The following GRAMD4 variants were observed in gnomAD, a reference collection of about 807,000 sequenced individuals.
GRAMD4 encodes GRAM domain containing 4.
GRAMD4 carries 25 observed loss-of-function variants against 83.9 expected under a neutral mutation model. The ratio of observed to expected loss-of-function variants is 0.30; its 90% CI spans 0.22 to 0.42. The LOEUF is 0.42. Ranked by LOEUF, GRAMD4 falls within the 10% of genes least tolerant of loss-of-function variation. The pLI, the probability that GRAMD4 is intolerant of heterozygous loss-of-function variation, is 1.00. For missense variants in GRAMD4, 593 were observed against 788.7 expected (o/e 0.75, Z 2.97); for synonymous variants, 336 against 320.9 (o/e 1.05, Z -0.50).
chr22:46,586,914 G>A (rs979009564), intron 1 of GRAMD4, among the ~76,000 whole-genome samples: 2 of 151,910 alleles, frequency 1.3e-5, no homozygotes, highest in Non-Finnish European at 2.9e-5. Flanking sequence ...TGGCCCCTGG[G>A]TGGGGAGTTT....
intron 3 of GRAMD4, among the ~76,000 whole-genome samples, chr22:46,643,249 A>T (rs1023061968): frequency 3.9e-4 from 57 of 146,302 alleles, no homozygotes; most frequent in African/African-American, 1.4e-3. Flanking sequence ...CTATCCATCC[A>T]TCCAACCATC....
intron 1 of GRAMD4, among the ~76,000 whole-genome samples, chr22:46,584,095 G>A (rs957923031): frequency 9.9e-5 from 15 of 152,074 alleles, no homozygotes; most frequent in African/African-American, 3.6e-4. Flanking sequence ...GCTGGCCGTC[G>A]GGTTCCCTGG....
At chr22:46,682,482 C>G (rs991632809), downstream of GRAMD4, 1 of 975,450 alleles carries the variant, frequency 1.0e-6, no homozygotes, top group Admixed American at 6.1e-5. Flanking sequence ...AAGAAGCTCT[C>G]GAAGACCTGC....
At chr22:46,651,667 G>C (rs890528820) in intron 3 of GRAMD4, among the ~76,000 whole-genome samples, 1 of 152,240 alleles carries the variant, frequency 6.6e-6, no homozygotes, top group Non-Finnish European at 1.5e-5. Flanking sequence ...CTGCCATTAG[G>C]ATGCGCTGTG....
intron 1 of GRAMD4, among the ~76,000 whole-genome samples, chr22:46,578,869 C>CT (rs1208654167): frequency 5.3e-5 from 8 of 152,176 alleles, no homozygotes; most frequent in African/African-American, 1.9e-4. Flanking sequence ...TTTGTGGTCC[C>CT]GGGGCAGACC....
chr22:46,660,920 G>A (rs1465641066), intron 4 of GRAMD4, among the ~76,000 whole-genome samples: 3 of 152,222 alleles, frequency 2.0e-5, no homozygotes, highest in Non-Finnish European at 1.5e-5. Context: ...TGGCCGTCTA[G>A]TGCCCCTGCC....
At chr22:46,603,580 G>A (rs2081336442) in intron 1 of GRAMD4, among the ~76,000 whole-genome samples, 1 of 135,044 alleles carries the variant, frequency 7.4e-6, no homozygotes, top group Admixed American at 8.1e-5. Flanking sequence ...GCAGTGGCGC[G>A]ATCCTGGCTC....
At chr22:46,637,170 C>T (rs2081902841) in intron 2 of GRAMD4, among the ~76,000 whole-genome samples, 2 of 152,124 alleles carry the variant, frequency 1.3e-5, no homozygotes. Flanking sequence ...ACGGGGCCAG[C>T]ACAGTTCCAG....
intron 1 of GRAMD4, among the ~76,000 whole-genome samples, chr22:46,610,763 G>A (rs2081409153): frequency 6.6e-6 from 1 of 152,228 alleles, no homozygotes; most frequent in Admixed American, 6.5e-5. Context: ...GTTGCTAGGA[G>A]TGATGGAGAG....
At chr22:46,628,018 G>C (rs1221060008) in intron 2 of GRAMD4, among the ~76,000 whole-genome samples, 1 of 152,206 alleles carries the variant, frequency 6.6e-6, no homozygotes, top group Non-Finnish European at 1.5e-5. Flanking sequence ...GCAGGGGCCT[G>C]CCTTCGCCGG....
downstream of GRAMD4, among the ~76,000 whole-genome samples, chr22:46,680,565 T>TCTATCCAC (rs2082656207): frequency 8.9e-6 from 1 of 112,270 alleles, no homozygotes; most frequent in Non-Finnish European, 1.9e-5. Flanking sequence ...CGTCCGTCCG[T>TCTATCCAC]CCATCCATCC....
rs2081572194 is a variant in GRAMD4 at position 46,621,380 on chromosome 22, A to G, written c.-50+815A>G. On this transcript the variant is annotated intron_variant, in intron 1 of 18. Coordinates refer to ENST00000406902, the MANE Select transcript of GRAMD4 (RefSeq NM_015124.5). The surrounding 1 kb of genome is among the most constrained non-coding windows in gnomAD (Gnocchi z 5.8). ...CTCTTTGCAGATGTCACTGAGATGA[A>G]GTCACCCTGGTGTACAGTGGAGCAC... Among the ~76,000 whole-genome samples, 1 of 152,198 alleles carries G rather than the reference A, an allele frequency of 6.6e-6. No individual in the cohort carries two copies. Among genetic ancestry groups the G allele is most frequent in the Non-Finnish European group, 1.5e-5 (1 of 68,026 alleles).
intron 1 of GRAMD4, among the ~76,000 whole-genome samples, chr22:46,579,595 A>C (rs2081077729): frequency 6.6e-6 from 1 of 152,086 alleles, no homozygotes; most frequent in Non-Finnish European, 1.5e-5. Flanking sequence ...GTTATGGGAG[A>C]ACCTGGGGCC....
At chr22:46,617,740 C>T (rs1477243915), upstream of GRAMD4, among the ~76,000 whole-genome samples, 3 of 152,234 alleles carry the variant, frequency 2.0e-5, no homozygotes, top group South Asian at 2.1e-4. Flanking sequence ...CATTAGCACC[C>T]CAGGGTGTGC....
At chr22:46,597,942 G>A (rs906610228) in intron 1 of GRAMD4, among the ~76,000 whole-genome samples, 1 of 151,960 alleles carries the variant, frequency 6.6e-6, no homozygotes, top group African/African-American at 2.4e-5. Context: ...GTACAAGGTG[G>A]CATTTTTTTA....
chr22:46,619,991 A>T (rs556369926), upstream of GRAMD4, among the ~76,000 whole-genome samples: 120 of 152,342 alleles, frequency 7.9e-4, no homozygotes, highest in Middle Eastern at 3.4e-3. Flanking sequence ...AGGGCGTGCC[A>T]GCAGCCGGGC....
intron 1 of GRAMD4, among the ~76,000 whole-genome samples, chr22:46,615,030 C>A: frequency 1.8e-5 from 1 of 55,442 alleles, no homozygotes; most frequent in Non-Finnish European, 3.5e-5. Context: ...TGGGTTCCCC[C>A]GTGTGTAGGT....
intron 2 of GRAMD4, among the ~76,000 whole-genome samples, chr22:46,633,085 C>T (rs551794864): frequency 6.6e-6 from 1 of 152,198 alleles, no homozygotes; most frequent in Non-Finnish European, 1.5e-5. Flanking sequence ...AACTCAGCCT[C>T]CAGGAAGCAG....
At chr22:46,635,316 G>A (rs13053670) in intron 2 of GRAMD4, among the ~76,000 whole-genome samples, 472 of 5,288 alleles carry the variant, frequency 0.089, 75 homozygotes, top group East Asian at 0.38. Context: ...TGTCCTGGGG[G>A]ACCGTGTCCT....
Sources: allele counts gnomAD v4.1 joint callset (sites outside exome capture counted in the v4.1 genomes callset), GRCh38; gene constraint gnomAD v4.1.1; non-coding constraint Gnocchi (gnomAD v3.1); transcripts MANE v1.5; gene names NCBI Gene and HGNC (gene_info 2026-07-23, HGNC 2026-07-21).